The following UBE2D1 variants were observed in gnomAD, a reference collection of about 807,000 sequenced individuals.
UBE2D1 encodes ubiquitin-conjugating enzyme E2 D1.
Under a neutral mutation model 24.6 loss-of-function variants are expected in UBE2D1, and 9 were observed. The ratio of observed to expected loss-of-function variants is 0.37; its 90% confidence interval spans 0.22 to 0.64. The LOEUF is 0.64. Ranked by LOEUF, UBE2D1 falls within the 30% of genes least tolerant of loss-of-function variation. The pLI, the probability that UBE2D1 is intolerant of heterozygous loss-of-function variation, is 0.64. For synonymous variants in UBE2D1, 57 were observed against 57.6 expected (o/e 0.99, Z 0.04); for missense variants, 87 against 177.1 (o/e 0.49, Z 2.89).
intron 1 of UBE2D1, among the ~76,000 whole-genome samples, chr10:58,359,032 A>G (rs1840165170): frequency 6.7e-6 from 1 of 150,000 alleles, no homozygotes; most frequent in Admixed American, 6.6e-5. Flanking sequence ...AAAAAAAAAA[A>G]GCAAAACAAA....
intron 1 of UBE2D1, among the ~76,000 whole-genome samples, chr10:58,345,364 A>G (rs930625516): frequency 2.0e-5 from 3 of 152,088 alleles, no homozygotes; most frequent in African/African-American, 7.2e-5. Context: ...AGTCTCAGCT[A>G]CTTGGGAGGC....
chr10:58,362,584 A>C (rs1408881060), intron 3 of UBE2D1, among the ~76,000 whole-genome samples: 1 of 152,130 alleles, frequency 6.6e-6, no homozygotes, highest in African/African-American at 2.4e-5. Context: ...TTTTAGGTGA[A>C]TCACATGTAA....
intron 1 of UBE2D1, among the ~76,000 whole-genome samples, chr10:58,350,516 C>T (rs79691378): frequency 0.049 from 7,393 of 152,198 alleles, 347 homozygotes; most frequent in African/African-American, 0.12. Context: ...TTGTCAGATA[C>T]ATGTAATATT....
chr10:58,335,624 T>G (rs1257135966), intron 1 of UBE2D1, among the ~76,000 whole-genome samples: 1 of 152,250 alleles, frequency 6.6e-6, no homozygotes, highest in African/African-American at 2.4e-5. Context: ...GCCTGTCCTC[T>G]TTTATGTTCT....
intron 1 of UBE2D1, among the ~76,000 whole-genome samples, chr10:58,353,715 CAT>C (rs1308763079): frequency 1.3e-5 from 2 of 152,144 alleles, no homozygotes; most frequent in African/African-American, 4.8e-5. Flanking sequence ...TTGTGTTTCA[CAT>C]GTTATTTAAA....
At chr10:58,343,045 G>A (rs1210841428) in intron 1 of UBE2D1, among the ~76,000 whole-genome samples, 1 of 151,974 alleles carries the variant, frequency 6.6e-6, no homozygotes, top group African/African-American at 2.4e-5. Flanking sequence ...TGGTCAGGCT[G>A]GTCTTAAACT....
chr10:58,359,257 C>A (rs185488124), intron 1 of UBE2D1, among the ~76,000 whole-genome samples: 75 of 152,162 alleles, frequency 4.9e-4, no homozygotes, highest in South Asian at 1.2e-3. Flanking sequence ...CACATTTTAA[C>A]TTTTCTAAAG....
Position 58,367,835 on chromosome 10 carries a change from T to C in UBE2D1, c.305-88T>C. On this transcript the variant is annotated intron_variant, in intron 5 of 6. Coordinates refer to ENST00000373910, the MANE Select transcript of UBE2D1 (RefSeq NM_003338.5). ...TTATGTTTTTTTTATAAGTACAGTA[T>C]CTATATTCACTAAAATTATTTTCAC... is the stretch of plus-strand genomic sequence containing the variant. 8 of 811,928 alleles carry C rather than the reference T, an allele frequency of 9.9e-6. No homozygotes were observed. In the South Asian group the frequency reaches 1.4e-4, roughly 14 times the overall value. 50.3% of individuals were successfully genotyped at this position (811,928 alleles called of 1,614,324 possible). A position where few individuals can be genotyped will look rare whatever the true frequency, so the allele number is the denominator to read the frequency against.
chr10:58,365,277 G>A (rs1840243179), intron 5 of UBE2D1, among the ~76,000 whole-genome samples: 1 of 152,076 alleles, frequency 6.6e-6, no homozygotes, highest in South Asian at 2.1e-4. Flanking sequence ...AGACCGGCCT[G>A]GGCAACATAG....
rs1840298370 is a variant in UBE2D1 at position 58,370,056 on chromosome 10, T to C, written c.*1291T>C. On this transcript the variant is annotated 3_prime_UTR_variant, in exon 7 of 7. Transcript: ENST00000373910. ...CATCACAATTTGAAAAACTTTTTTT[T>C]TTTTTTTACTATAGAAGTTACAAAG... is the stretch of plus-strand genomic sequence containing the variant. 6.6e-6 allele frequency: 1 copy of C among 151,954 alleles called. No homozygotes were observed. The highest frequency in any genetic ancestry group is 1.5e-5 in the Non-Finnish European group (1 of 67,864). 9.4% of individuals were successfully genotyped at this position (151,954 alleles called of 1,614,324 possible). A position where few individuals can be genotyped will look rare whatever the true frequency, so the allele number is the denominator to read the frequency against.
intron 1 of UBE2D1, among the ~76,000 whole-genome samples, chr10:58,361,112 A>AT (rs571687465): frequency 4.6e-5 from 7 of 152,084 alleles, no homozygotes; most frequent in African/African-American, 9.6e-5. Flanking sequence ...GAAAAACAGT[A>AT]TTTTTTTTCC....
intron 1 of UBE2D1, among the ~76,000 whole-genome samples, chr10:58,358,428 G>A (rs575385075): frequency 2.0e-5 from 3 of 152,240 alleles, no homozygotes; most frequent in East Asian, 3.9e-4. Flanking sequence ...GCTGTGATTT[G>A]GGAACTGTTC....
chr10:58,350,585 T>A (rs920508556), intron 1 of UBE2D1, among the ~76,000 whole-genome samples: 1 of 152,232 alleles, frequency 6.6e-6, no homozygotes, highest in Admixed American at 6.5e-5. Context: ...TGCCTTTTGG[T>A]GAACAGATGT....
intron 5 of UBE2D1, among the ~76,000 whole-genome samples, chr10:58,366,568 T>C (rs983197279): frequency 6.6e-6 from 1 of 152,110 alleles, no homozygotes; most frequent in Non-Finnish European, 1.5e-5. Context: ...TTTTTTACTT[T>C]GCTATATTTT....
At chr10:58,354,648 A>T (rs1347998044) in intron 1 of UBE2D1, among the ~76,000 whole-genome samples, 2 of 152,038 alleles carry the variant, frequency 1.3e-5, no homozygotes, top group Non-Finnish European at 2.9e-5. Context: ...CCTGGCCAAT[A>T]TATAGTGAAA....
intron 1 of UBE2D1, among the ~76,000 whole-genome samples, chr10:58,357,811 G>A (rs954284984): frequency 6.6e-6 from 1 of 152,060 alleles, no homozygotes; most frequent in African/African-American, 2.4e-5. Flanking sequence ...AAGCATTACT[G>A]TAATTATTTG....
intron 1 of UBE2D1, among the ~76,000 whole-genome samples, chr10:58,347,768 C>G (rs1219124633): frequency 1.3e-5 from 2 of 151,886 alleles, no homozygotes; most frequent in African/African-American, 4.8e-5. Context: ...CTGCCTCAGC[C>G]TCTCAAGTAG....
chr10:58,361,130 C>G (rs1378655894), intron 1 of UBE2D1, among the ~76,000 whole-genome samples: 2 of 151,920 alleles, frequency 1.3e-5, no homozygotes, highest in African/African-American at 4.8e-5. Flanking sequence ...TCCATTTAAT[C>G]TTTTCAAGGT....
rs531486389 is a variant in UBE2D1 at position 58,370,132 on chromosome 10, G to A, written c.*1367G>A. 6.6e-6 allele frequency: 1 copy of A among 151,488 alleles called. No homozygotes were observed. Among genetic ancestry groups the A allele is most frequent in the East Asian group, 1.9e-4 (1 of 5,192 alleles). The allele number at this position is 151,488 out of a possible 1,614,324, so 9.4% of individuals were successfully genotyped here. ...TGTTTTTATAAGTTGCCATCGAAAA[G>A]TGATTTAAATAAGCAGGTTATCTTT... On this transcript the variant is annotated 3_prime_UTR_variant, in exon 7 of 7. Transcript: ENST00000373910.
Sources: gnomAD v4.1 joint callset for allele counts (sites outside exome capture counted in the v4.1 genomes callset) on GRCh38, gnomAD v4.1.1 for gene constraint, MANE v1.5 for transcripts, NCBI Gene and HGNC (gene_info 2026-07-23, HGNC 2026-07-21) for gene names.